The following FANCL variants were observed in gnomAD, a reference collection of about 807,000 sequenced individuals.
The protein encoded by FANCL is E3 ubiquitin-protein ligase FANCL.
Under a neutral mutation model 59.4 loss-of-function variants are expected in FANCL, and 69 were observed. The ratio of observed to expected loss-of-function variants is 1.16; its 90% CI spans 0.96 to 1.42. The LOEUF is 1.42. Ranked by LOEUF, FANCL falls within the 40% of genes most tolerant of loss-of-function variation. The pLI is 0.00. For synonymous variants in FANCL, 180 were observed against 147.1 expected (o/e 1.22, Z -1.62); for missense variants, 519 against 447.2 (o/e 1.16, Z -1.45).
intron 7 of FANCL, among the ~76,000 whole-genome samples, chr2:58,186,074 G>A (rs767513074): frequency 2.6e-5 from 4 of 152,120 alleles, no homozygotes; most frequent in African/African-American, 9.7e-5. Flanking sequence ...AAAGGAAGCC[G>A]ACAGCAACTG....
chr2:58,179,962 T>G (rs1382543073), intron 7 of FANCL, among the ~76,000 whole-genome samples: 1 of 151,872 alleles, frequency 6.6e-6, no homozygotes, highest in Non-Finnish European at 1.5e-5. Context: ...CCAACAAACA[T>G]ATGAAAAAAA....
At chr2:58,168,944 C>G (rs1686243278) in intron 7 of FANCL, among the ~76,000 whole-genome samples, 1 of 152,136 alleles carries the variant, frequency 6.6e-6, no homozygotes, top group African/African-American at 2.4e-5. Flanking sequence ...CAGCAGCAGC[C>G]AAAGTCAGAG....
chr2:58,227,529 G>A (rs539529492), intron 3 of FANCL, among the ~76,000 whole-genome samples: 8 of 152,264 alleles, frequency 5.3e-5, no homozygotes, highest in East Asian at 1.9e-4. Flanking sequence ...CGAACTCCAC[G>A]TCATTCTGCC....
intron 7 of FANCL, among the ~76,000 whole-genome samples, chr2:58,194,936 A>AG (rs1689286724): frequency 6.6e-6 from 1 of 151,570 alleles, no homozygotes; most frequent in Non-Finnish European, 1.5e-5. Flanking sequence ...CAAAAAAAAA[A>AG]GAAAAATAAA....
At chr2:58,219,181 T>A (rs1436587808) in intron 5 of FANCL, among the ~76,000 whole-genome samples, 31 of 88,850 alleles carry the variant, frequency 3.5e-4, no homozygotes, top group Middle Eastern at 6.7e-3. Flanking sequence ...AATATATATA[T>A]ATATATATAT....
chr2:58,241,079 T>A, intron 1 of FANCL, 139 bp downstream of exon 1: 2 of 834,738 alleles, frequency 2.4e-6, no homozygotes, highest in Non-Finnish European at 3.9e-6. Context: ...AAACCTTTAG[T>A]CTCCCAAGAG....
intron 7 of FANCL, among the ~76,000 whole-genome samples, chr2:58,195,591 C>G (rs1054141319): frequency 7.9e-5 from 12 of 152,142 alleles, no homozygotes; most frequent in African/African-American, 2.9e-4. Flanking sequence ...GAAAGTTAAA[C>G]TCTGTATGAC....
intron 5 of FANCL, among the ~76,000 whole-genome samples, chr2:58,211,777 G>A (rs964657981): frequency 2.0e-5 from 3 of 152,140 alleles, no homozygotes; most frequent in African/African-American, 4.8e-5. Flanking sequence ...AATACCACCA[G>A]CCTCTTTGCT....
chr2:58,239,463 A>C (rs970472059), intron 1 of FANCL, among the ~76,000 whole-genome samples: 47 of 152,232 alleles, frequency 3.1e-4, no homozygotes, highest in African/African-American at 1.1e-3. Flanking sequence ...AGCTTATAAA[A>C]AACACAAACA....
At chr2:58,207,423 A>G (rs886289538) in intron 5 of FANCL, among the ~76,000 whole-genome samples, 1 of 152,206 alleles carries the variant, frequency 6.6e-6, no homozygotes, top group Non-Finnish European at 1.5e-5. Flanking sequence ...CAATAGCCAC[A>G]CATGGCTACT....
In FANCL at chr2:58,204,184, T is replaced by C. The variant is rs1690337979; in HGVS notation, c.417A>G (p.Lys139=). Residue 139 remains lysine (K), a synonymous_variant, in exon 6 of 14, where the codon AAA becomes AAG. Transcript: ENST00000233741. ...GCTCTCTACCAGAAGCATCTTCTGC[T>C]TTTAACTTGATGGTACTGAAGCAGG... The part of the protein sequence containing the change: ...ADTCFSTIKL[K]AEDASGREHL... 6.2e-7 allele frequency: 1 copy of C among 1,613,366 alleles called. No individual in the cohort carries two copies. Among genetic ancestry groups the C allele is most frequent in the Non-Finnish European group, 8.5e-7 (1 of 1,179,406 alleles).
intron 5 of FANCL, among the ~76,000 whole-genome samples, chr2:58,206,818 G>A (rs192738544): frequency 6.6e-6 from 1 of 152,144 alleles, no homozygotes; most frequent in Admixed American, 6.5e-5. Flanking sequence ...ATTAATATCA[G>A]CATGGCCATT....
intron 7 of FANCL, 118 bp downstream of exon 7, chr2:58,198,476 G>T: frequency 2.7e-6 from 2 of 744,942 alleles, no homozygotes; most frequent in Non-Finnish European, 4.6e-6. Flanking sequence ...ATTTGGGTAT[G>T]CATGGATTTT....
intron 6 of FANCL, among the ~76,000 whole-genome samples, chr2:58,202,793 T>G (rs915339190): frequency 1.3e-5 from 2 of 151,860 alleles, no homozygotes; most frequent in Admixed American, 6.6e-5. Context: ...GATTAAAATC[T>G]TGTAGGTATA....
At chr2:58,208,181 T>C (rs62140046) in intron 5 of FANCL, among the ~76,000 whole-genome samples, 7,940 of 152,208 alleles carry the variant, frequency 0.052, 303 homozygotes, top group African/African-American at 0.097. Context: ...ACAATCATCA[T>C]TGGAAAGCTC....
intron 7 of FANCL, among the ~76,000 whole-genome samples, chr2:58,190,515 G>C (rs1158869026): frequency 7.4e-6 from 1 of 135,644 alleles, no homozygotes; most frequent in African/African-American, 2.7e-5. Flanking sequence ...CAGAAAAAAA[G>C]AAAGAAAAAA....
intron 4 of FANCL, 113 bp from the exon 5 acceptor site, chr2:58,222,155 G>GT (rs921869606): frequency 2.1e-5 from 15 of 722,714 alleles, no homozygotes; most frequent in Non-Finnish European, 2.6e-5. Context: ...AAAAGTGCCT[G>GT]TTTTTTTACG....
At chr2:58,173,691 T>A (rs948952728) in intron 7 of FANCL, among the ~76,000 whole-genome samples, 2 of 152,050 alleles carry the variant, frequency 1.3e-5, no homozygotes, top group African/African-American at 4.8e-5. Flanking sequence ...CATGCCAAAT[T>A]GTAAAGACCA....
intron 7 of FANCL, among the ~76,000 whole-genome samples, chr2:58,193,047 A>G (rs937853928): frequency 6.6e-6 from 1 of 152,030 alleles, no homozygotes; most frequent in African/African-American, 2.4e-5. Context: ...AAATTCAACA[A>G]AAATATGTAA....
Sources: allele counts gnomAD v4.1 joint callset (sites outside exome capture counted in the v4.1 genomes callset), GRCh38; gene constraint gnomAD v4.1.1; transcripts MANE v1.5; gene names NCBI Gene and HGNC (gene_info 2026-07-23, HGNC 2026-07-21).